The following TMX3 variants were observed in gnomAD, a reference collection of about 807,000 sequenced individuals.
TMX3 encodes thioredoxin related transmembrane protein 3.
TMX3 carries 40 observed loss-of-function variants against 64.4 expected under a neutral mutation model. The ratio of observed to expected loss-of-function variants is 0.62; its 90% confidence interval spans 0.48 to 0.81. TMX3 has a LOEUF of 0.81. Ranked by LOEUF, TMX3 falls within the 30% of genes least tolerant of loss-of-function variation. The pLI is 0.00. For synonymous variants in TMX3, 189 were observed against 175.7 expected (o/e 1.08, Z -0.60); for missense variants, 497 against 534.5 (o/e 0.93, Z 0.69).
chr18:68,684,791 T>C (rs1913784629), intron 10 of TMX3, among the ~76,000 whole-genome samples: 1 of 152,134 alleles, frequency 6.6e-6, no homozygotes, highest in Admixed American at 6.5e-5. Flanking sequence ...TTGAATTGTA[T>C]TTTTTCCTTA....
rs567937419 is a variant in TMX3 at position 68,711,466 on chromosome 18, T to G, written c.102-63A>C. The G allele has an allele frequency of 2.9e-5, 33 of 1,125,346 alleles. No homozygotes were observed. In the Middle Eastern group the frequency reaches 6.1e-4, roughly 21 times the overall value. The allele number at this position is 1,125,346 out of a possible 1,614,324, so 69.7% of individuals were successfully genotyped here. On this transcript the variant is annotated intron_variant, in intron 2 of 15. Coordinates refer to ENST00000299608, the MANE Select transcript of TMX3 (RefSeq NM_019022.5). ...GTGTCCACTTTACAACTGTATAGTA[T>G]AGGCAGAGATAATACATTGATAAAT...
At position 68,700,489 on chromosome 18, in the gene TMX3, T is replaced by TTA; in HGVS notation, c.312-5_312-4insTA. 3 of 1,169,068 alleles carry TTA rather than the reference T, an allele frequency of 2.6e-6. No homozygotes were observed. The highest frequency in any genetic ancestry group is 3.5e-5 in the South Asian group (2 of 57,382). 72.4% of individuals were successfully genotyped at this position (1,169,068 alleles called of 1,614,324 possible). ...ATATGCCAAGTCCCCTTTTAATCTT[T>TTA]AAAAAAAAAAAAAAATTAAAACCTG... On this transcript the variant is annotated splice_region_variant and splice_polypyrimidine_tract_variant and intron_variant, in intron 5 of 15. Transcript: ENST00000299608.
At chr18:68,687,520 C>G in intron 10 of TMX3, 147 bp downstream of exon 10, 1 of 1,415,294 alleles carries the variant, frequency 7.1e-7, no homozygotes, top group East Asian at 2.7e-5. Flanking sequence ...TATCAGTTTA[C>G]ATTCTCGTAA....
At chr18:68,703,599 C>T (rs2145111146) in intron 4 of TMX3, among the ~76,000 whole-genome samples, 1 of 152,252 alleles carries the variant, frequency 6.6e-6, no homozygotes, top group East Asian at 1.9e-4. Context: ...TCGCTTCTGA[C>T]ATAATTTTAA....
chr18:68,697,904 GT>G, intron 7 of TMX3, 27 bp downstream of exon 7: 1 of 1,444,914 alleles, frequency 6.9e-7, no homozygotes, highest in Non-Finnish European at 9.7e-7. Flanking sequence ...CAATACATCT[GT>G]TTTTGTGGAT....
Position 68,691,331 on chromosome 18 carries a change from G to T in TMX3, c.601C>A (p.Leu201Ile). 6.3e-7 allele frequency: 1 copy of T among 1,578,450 alleles called. No homozygotes were observed. Reference sequence around the variant, plus strand: ...AAGTAAGTTTCATCTTTGAAAACAAGCACAGCTGGCATCTCTTTTAGTGTC... The same window carrying T: ...AAGTAAGTTTCATCTTTGAAAACAATCACAGCTGGCATCTCTTTTAGTGTC... ...YVTLKEMPAV[L>I]VFKDETYFVY... The change falls in exon 9 of 16, where the codon CTT (leucine) becomes ATT (isoleucine). Residue 201 changes from leucine to isoleucine, a missense_variant. By Grantham distance (5) the Leu-to-Ile change is conservative. Coordinates refer to ENST00000299608, the MANE Select transcript of TMX3 (RefSeq NM_019022.5).
At chr18:68,691,966 G>C (rs1208578276) in intron 8 of TMX3, among the ~76,000 whole-genome samples, 1 of 152,110 alleles carries the variant, frequency 6.6e-6, no homozygotes, top group Non-Finnish European at 1.5e-5. Flanking sequence ...TATTACATGA[G>C]CATGTTAATA....
intron 14 of TMX3, among the ~76,000 whole-genome samples, chr18:68,679,921 G>A (rs1340671114): frequency 6.6e-6 from 1 of 152,132 alleles, no homozygotes; most frequent in Non-Finnish European, 1.5e-5. Flanking sequence ...AAGTGCTGAA[G>A]GGAAGAGAGT....
At chr18:68,683,051 C>A in intron 12 of TMX3, 70 bp from the exon 13 acceptor site, 1 of 1,349,812 alleles carries the variant, frequency 7.4e-7, no homozygotes, top group Non-Finnish European at 1.0e-6. Context: ...AGAGAAAGCT[C>A]ATTAAATAGT....
At chr18:68,713,769 T>C in intron 2 of TMX3, 77 bp downstream of exon 2, 2 of 740,194 alleles carry the variant, frequency 2.7e-6, no homozygotes, top group Non-Finnish European at 3.9e-6. Context: ...TCTAAAATAT[T>C]AGAATCACAT....
chr18:68,679,476 T>A lies in TMX3; in HGVS notation c.1091A>T (p.Lys364Ile). ...GTCACAACTTACCACAATAGTAGAT[T>A]TGGCATCAAATACTATTCTTTTCAA... ...QRLKRIVFDA[K>I]STIVSIFKSS... The change falls in exon 15 of 16, where the codon AAA becomes ATA. Residue 364 changes from lysine to isoleucine, a missense_variant. By Grantham distance (102) the Lys-to-Ile change is moderately radical. Transcript: ENST00000299608. 1 of 1,612,076 alleles carries A rather than the reference T, an allele frequency of 6.2e-7. No homozygotes were observed. The highest frequency in any genetic ancestry group is 1.1e-5 in the South Asian group (1 of 90,848).
intron 4 of TMX3, 79 bp downstream of exon 4, chr18:68,709,942 T>C: frequency 7.2e-7 from 1 of 1,386,576 alleles, no homozygotes; most frequent in South Asian, 1.7e-5. Context: ...AAAAAAGTCT[T>C]CCTCCCACCC....
In TMX3 at chr18:68,693,595, A is replaced by G. The variant is rs1210422475; in HGVS notation, c.571-2234T>C. ...GTGCTTGGCGCGGCGCTGACGTGCC[A>G]GCTCCCAACAGTGCCTGGGCTTCCT... On this transcript the variant is annotated intron_variant, in intron 8 of 15. Coordinates refer to ENST00000299608, the MANE Select transcript of TMX3 (RefSeq NM_019022.5). Among the ~76,000 whole-genome samples, 3 of 152,142 alleles carry G rather than the reference A, an allele frequency of 2.0e-5. No individual in the cohort carries two copies. In the East Asian group the frequency reaches 5.8e-4, roughly 29 times the overall value.
At chr18:68,683,875 G>A (rs933609911) in intron 12 of TMX3, among the ~76,000 whole-genome samples, 5 of 152,002 alleles carry the variant, frequency 3.3e-5, no homozygotes, top group Admixed American at 2.6e-4. Context: ...ATACTGTATT[G>A]TTATAATTGT....
rs1341336051 is a variant in TMX3, at chr18:68,676,132, T to C, written c.*801A>G. On this transcript the variant is annotated 3_prime_UTR_variant, in exon 16 of 16. Transcript: ENST00000299608. ...TTAGAAGAAATCTCAATATATAAAATAGAAATAAAATACTAGGCTATTCTG... is the reference window on the plus strand; with the variant it reads ...TTAGAAGAAATCTCAATATATAAAACAGAAATAAAATACTAGGCTATTCTG... 2 of 152,062 alleles carry C rather than the reference T, an allele frequency of 1.3e-5. No individual in the cohort carries two copies. The highest frequency in any genetic ancestry group is 6.6e-5 in the Admixed American group (1 of 15,252). The allele number at this position is 152,062 out of a possible 1,614,324, so 9.4% of individuals were successfully genotyped here. A position where few individuals can be genotyped will look rare whatever the true frequency, so the allele number is the denominator to read the frequency against.
chr18:68,677,711 G>T (rs1240539043), intron 15 of TMX3, among the ~76,000 whole-genome samples: 1 of 152,040 alleles, frequency 6.6e-6, no homozygotes, highest in Non-Finnish European at 1.5e-5. Context: ...ATAGCTCCCA[G>T]GAAAGTAAAA....
chr18:68,692,595 T>G (rs1366731760), intron 8 of TMX3, among the ~76,000 whole-genome samples: 2 of 152,168 alleles, frequency 1.3e-5, no homozygotes, highest in Non-Finnish European at 2.9e-5. Context: ...ACCACAAAAT[T>G]ATGGGCTTTG....
chr18:68,680,924 T>C (rs994775882), intron 14 of TMX3, 57 bp downstream of exon 14: 2 of 1,432,554 alleles, frequency 1.4e-6, no homozygotes, highest in African/African-American at 1.5e-5. Flanking sequence ...AGAAATGAAC[T>C]AGTTTCTCCT....
Position 68,677,124 on chromosome 18 carries a change from T to C in TMX3, c.1174A>G (p.Met392Val). ...FGLPLGVISI[M>V]CYGIYTADTD... ...TCGGCTGTGTAGATTCCATAGCACATGATACTGATGACACCCAGTGGCAGG... is the reference window on the plus strand; with the variant it reads ...TCGGCTGTGTAGATTCCATAGCACACGATACTGATGACACCCAGTGGCAGG... Residue 392 changes from methionine (M) to valine (V), a missense_variant, in exon 16 of 16, where the codon ATG (methionine) becomes GTG (valine). Met to Val is a conservative substitution (Grantham distance 21). Transcript: ENST00000299608. 6.2e-7 allele frequency: 1 copy of C among 1,613,368 alleles called. No individual in the cohort carries two copies. Among genetic ancestry groups the C allele is most frequent in the Non-Finnish European group, 8.5e-7 (1 of 1,179,630 alleles).
Sources: allele counts gnomAD v4.1 joint callset (sites outside exome capture counted in the v4.1 genomes callset), GRCh38; gene constraint gnomAD v4.1.1; transcripts MANE v1.5; gene names NCBI Gene and HGNC (gene_info 2026-07-23, HGNC 2026-07-21).